Variants in PNPLA1 observed in about 807,000 individuals in gnomAD.
PNPLA1 encodes omega-hydroxyceramide transacylase.
PNPLA1 carries 36 observed loss-of-function variants against 51.7 expected under a neutral mutation model. That is an observed-to-expected ratio of 0.70 (90% CI 0.53 to 0.92). PNPLA1 has a LOEUF of 0.92. PNPLA1 is among the 40% of genes least tolerant of loss of function. The pLI is 0.00. For synonymous variants in PNPLA1, 293 were observed against 280.1 expected, an observed-to-expected ratio of 1.05 and a Z score of -0.46; for missense variants, 658 against 682.5, an observed-to-expected ratio of 0.96 and a Z score of 0.40.
At chr6:36,271,802 G>C (rs572316859) in intron 1 of PNPLA1, among the ~76,000 whole-genome samples, 1 of 152,364 alleles carries the variant, frequency 6.6e-6, no homozygotes, top group East Asian at 1.9e-4. Context: ...TCTCACCTAA[G>C]GGAGGGGGAG....
chr6:36,312,950 C>T lies in PNPLA1; in HGVS notation c.*1064C>T, dbSNP rs866749611. On this transcript the variant is annotated 3_prime_UTR_variant, in exon 9 of 9. Coordinates refer to ENST00000636260, the MANE Select transcript of PNPLA1 (RefSeq NM_001374623.1). ...GCCCAGCAGGACTGAGCCAACGACACGCTTCCTCTTTCTTGTGGTGGCAGG... is the reference window on the plus strand; with the variant it reads ...GCCCAGCAGGACTGAGCCAACGACATGCTTCCTCTTTCTTGTGGTGGCAGG... 5.9e-5 allele frequency among the ~76,000 whole-genome samples: 9 copies of T among 152,210 alleles called. No homozygotes were observed. The highest frequency in any genetic ancestry group is 2.0e-4 in the Admixed American group (3 of 15,288).
intron 1 of PNPLA1, among the ~76,000 whole-genome samples, chr6:36,277,391 T>C (rs1288152129): frequency 6.6e-6 from 1 of 152,204 alleles, no homozygotes; most frequent in Non-Finnish European, 1.5e-5. Context: ...CCAGGAAATG[T>C]AGACTTTATT....
chr6:36,293,962 A>G (rs1274743957), intron 3 of PNPLA1, among the ~76,000 whole-genome samples: 1 of 152,146 alleles, frequency 6.6e-6, no homozygotes, highest in Non-Finnish European at 1.5e-5. Context: ...AGTGCAGGAC[A>G]GAGCACCGGG....
chr6:36,273,286 G>T lies in PNPLA1; in HGVS notation c.205+2622G>T, dbSNP rs116169447. ...ATAAATAAATAAATAAATAAATAAA[G>T]AGTAGAAAGAAAGCCTCCATTTGCC... On this transcript the variant is annotated intron_variant, in intron 1 of 8. Coordinates refer to ENST00000636260, the MANE Select transcript of PNPLA1 (RefSeq NM_001374623.1). Among the ~76,000 whole-genome samples the T allele has an allele frequency of 2.3e-3, 265 of 116,316 alleles. 2 individuals carry two copies. The highest frequency in any genetic ancestry group is 0.012 in the Middle Eastern group (3 of 246). The allele number at this position is 116,316 out of a possible 152,430, so 76.3% of individuals were successfully genotyped here.
At chr6:36,283,479 T>A (rs1222712873) in intron 1 of PNPLA1, among the ~76,000 whole-genome samples, 1 of 152,112 alleles carries the variant, frequency 6.6e-6, no homozygotes, top group Non-Finnish European at 1.5e-5. Flanking sequence ...CCCAACTCTG[T>A]CCTTACGAAA....
chr6:36,269,421 C>G (rs1769841453), upstream of PNPLA1, among the ~76,000 whole-genome samples: 1 of 152,312 alleles, frequency 6.6e-6, no homozygotes, highest in East Asian at 1.9e-4. Flanking sequence ...CCTCCCTTAC[C>G]AAAACGTCTC....
At chr6:36,267,343 A>G (rs1769783624), upstream of PNPLA1, among the ~76,000 whole-genome samples, 1 of 152,218 alleles carries the variant, frequency 6.6e-6, no homozygotes, top group African/African-American at 2.4e-5. Context: ...AGCCCTTGTC[A>G]GCTGTGGAGA....
chr6:36,304,896 T>G (rs1771184243), intron 6 of PNPLA1, among the ~76,000 whole-genome samples: 1 of 152,214 alleles, frequency 6.6e-6, no homozygotes, highest in Non-Finnish European at 1.5e-5. Context: ...GCAGACATTT[T>G]GGTTGTCACC....
chr6:36,291,388 C>G lies in PNPLA1; in HGVS notation c.274C>G (p.Pro92Ala). ...VKKSFLGPLS[P>A]SCKMVQMMRQ... ...GAAATCCTTCCTGGGGCCCTTGTCC[C>G]CGTCCTGTAAGATGGTGCAGATGAT... Residue 92 changes from proline (P) to alanine (A), a missense_variant, in exon 2 of 9, where the codon CCG (proline) becomes GCG (alanine). Coordinates refer to ENST00000636260, the MANE Select transcript of PNPLA1 (RefSeq NM_001374623.1). 1 of 1,614,142 alleles carries G rather than the reference C, an allele frequency of 6.2e-7. No homozygotes were observed. Among genetic ancestry groups the G allele is most frequent in the Non-Finnish European group, 8.5e-7 (1 of 1,180,034 alleles).
chr6:36,291,880 C>A (rs561367425), intron 2 of PNPLA1, among the ~76,000 whole-genome samples: 8 of 152,194 alleles, frequency 5.3e-5, no homozygotes, highest in South Asian at 4.1e-4. Flanking sequence ...GCCTTCCAGG[C>A]TGGGCTGCCA....
intron 1 of PNPLA1, among the ~76,000 whole-genome samples, chr6:36,290,742 C>A (rs1770649227): frequency 6.6e-6 from 1 of 152,142 alleles, no homozygotes; most frequent in African/African-American, 2.4e-5. Flanking sequence ...AGACCTGGAC[C>A]AGGGCCATAA....
At chr6:36,262,766 T>C (rs1008644446) in intron 1 of PNPLA1, among the ~76,000 whole-genome samples, 1 of 152,252 alleles carries the variant, frequency 6.6e-6, no homozygotes, top group Non-Finnish European at 1.5e-5. Context: ...GAACGTTCCC[T>C]ATGAGCACAC....
At chr6:36,277,101 C>G (rs932976963) in intron 1 of PNPLA1, among the ~76,000 whole-genome samples, 1 of 152,142 alleles carries the variant, frequency 6.6e-6, no homozygotes, top group Non-Finnish European at 1.5e-5. Flanking sequence ...AGGCTTCCAG[C>G]AAGGACATAG....
intron 1 of PNPLA1, 39 bp from the exon 2 acceptor site, chr6:36,291,281 G>C (rs1443807371): frequency 6.4e-7 from 1 of 1,568,560 alleles, no homozygotes; most frequent in Non-Finnish European, 8.7e-7. Context: ...TGGCCACTGG[G>C]TGGCACCGAC....
chr6:36,301,912 A>T lies in PNPLA1; in HGVS notation c.827A>T (p.Glu276Val). 1 of 1,614,198 alleles carries T rather than the reference A, an allele frequency of 6.2e-7. No individual in the cohort carries two copies. Among genetic ancestry groups the T allele is most frequent in the Non-Finnish European group, 8.5e-7 (1 of 1,180,030 alleles). ...AAGAGAGTGATTTTCCCCCGGGTGGAAGTGTACTGCCAGATAGAACTCGCC... is the reference window on the plus strand; with the variant it reads ...AAGAGAGTGATTTTCCCCCGGGTGGTAGTGTACTGCCAGATAGAACTCGCC... ...SSKRVIFPRV[E>V]VYCQIELALG... Residue 276 changes from glutamate to valine, a missense_variant, in exon 6 of 9, where the codon GAA (glutamate) becomes GTA (valine). Glu to Val is a moderately radical substitution (Grantham distance 121). Coordinates refer to ENST00000636260, the MANE Select transcript of PNPLA1 (RefSeq NM_001374623.1).
chr6:36,287,945 C>T (rs781237076), intron 1 of PNPLA1, among the ~76,000 whole-genome samples: 5 of 152,188 alleles, frequency 3.3e-5, no homozygotes, highest in Non-Finnish European at 5.9e-5. Context: ...TGCTAATTTC[C>T]AGATAGCACC....
chr6:36,304,956 G>A (rs1211916094), intron 6 of PNPLA1, among the ~76,000 whole-genome samples: 1 of 152,158 alleles, frequency 6.6e-6, no homozygotes, highest in Non-Finnish European at 1.5e-5. Flanking sequence ...GTGCACAGAA[G>A]TCTCTGCACA....
In PNPLA1 at chr6:36,302,570, G is replaced by A. The variant is rs1771097628; in HGVS notation, c.1384+101G>A. Reference sequence around the variant, plus strand: ...GATAACCGCTTCTTTAGGGGTGCGTGGCTGAAGTTAGCAGTGAGCTTTAGC... The same window carrying A: ...GATAACCGCTTCTTTAGGGGTGCGTAGCTGAAGTTAGCAGTGAGCTTTAGC... On this transcript the variant is annotated intron_variant, in intron 6 of 8. Transcript: ENST00000636260. The A allele has an allele frequency of 4.1e-6, 6 of 1,449,592 alleles. No homozygotes were observed. The South Asian group carries it at 7.0e-5, about 17-fold the overall frequency. The allele number at this position is 1,449,592 out of a possible 1,614,324, so 89.8% of individuals were successfully genotyped here.
intron 1 of PNPLA1, among the ~76,000 whole-genome samples, chr6:36,262,452 C>T (rs1194421666): frequency 6.6e-6 from 1 of 152,116 alleles, no homozygotes; most frequent in Admixed American, 6.5e-5. Flanking sequence ...TTCCAAATGC[C>T]AAAACAAATA....
Sources: gnomAD v4.1 joint callset for allele counts (sites outside exome capture counted in the v4.1 genomes callset) on GRCh38, gnomAD v4.1.1 for gene constraint, MANE v1.5 for transcripts, NCBI Gene and HGNC (gene_info 2026-07-23, HGNC 2026-07-21) for gene names.